Variants in C16orf89 observed in about 807,000 individuals in gnomAD.
C16orf89 encodes the protein UPF0764 protein C16orf89.
In C16orf89, 57 loss-of-function variants were observed where a neutral mutation model predicts 41.5. That is an observed-to-expected ratio of 1.38 (90% CI 1.11 to 1.71). The LOEUF (loss-of-function observed/expected upper bound fraction) is 1.71. C16orf89 is among the 40% of genes most tolerant of loss of function. C16orf89 has a pLI of 0.00. For synonymous variants in C16orf89, 223 were observed against 190.6 expected, an observed-to-expected ratio of 1.17 and a Z score of -1.40; for missense variants, 575 against 445.9, an observed-to-expected ratio of 1.29 and a Z score of -2.61.
At chr16:5,063,592 C>T (rs530522490) in intron 1 of C16orf89, among the ~76,000 whole-genome samples, 2 of 152,158 alleles carry the variant, frequency 1.3e-5, no homozygotes, top group East Asian at 1.9e-4. Context: ...GCCTGAGCTC[C>T]GCCTGCTGTC....
chr16:5,060,822 A>G (rs900716865), intron 2 of C16orf89, among the ~76,000 whole-genome samples: 3 of 152,042 alleles, frequency 2.0e-5, no homozygotes, highest in Non-Finnish European at 4.4e-5. Context: ...CAACATAGCA[A>G]GACTCTGTCT....
intron 6 of C16orf89, 84 bp downstream of exon 6, chr16:5,055,162 T>C: frequency 8.5e-7 from 1 of 1,177,574 alleles, no homozygotes; most frequent in Non-Finnish European, 1.2e-6. Flanking sequence ...CACCAATGCA[T>C]TGTTCCCACA....
chr16:5,061,788 A>T (rs1956632668), intron 2 of C16orf89, among the ~76,000 whole-genome samples: 1 of 151,992 alleles, frequency 6.6e-6, no homozygotes, highest in African/African-American at 2.4e-5. Flanking sequence ...CATGCATCTG[A>T]TGGGAGTGGG....
At chr16:5,057,818 C>T (rs534121248) in intron 4 of C16orf89, among the ~76,000 whole-genome samples, 2 of 152,078 alleles carry the variant, frequency 1.3e-5, no homozygotes, top group South Asian at 4.2e-4. Context: ...TGTGAGCCAC[C>T]GTGCCCGGCC....
At chr16:5,062,386 G>A (rs368712978) in intron 2 of C16orf89, 39 bp downstream of exon 2, 220 of 1,575,470 alleles carry the variant, frequency 1.4e-4, no homozygotes, top group Non-Finnish European at 1.8e-4. Context: ...CCCCATAGGC[G>A]CTATTCCTGA....
At chr16:5,046,956 C>A (rs951014037) in intron 7 of C16orf89, among the ~76,000 whole-genome samples, 1 of 152,142 alleles carries the variant, frequency 6.6e-6, no homozygotes, top group Non-Finnish European at 1.5e-5. Flanking sequence ...GGCTGTGTGG[C>A]CACCAAAACT....
At chr16:5,057,274 A>G (rs1298349791) in intron 4 of C16orf89, among the ~76,000 whole-genome samples, 1 of 134,844 alleles carries the variant, frequency 7.4e-6, no homozygotes, top group Non-Finnish European at 1.6e-5. Flanking sequence ...ATACATATAT[A>G]TATGTATATA....
chr16:5,049,315 A>G (rs1956356941), intron 6 of C16orf89, among the ~76,000 whole-genome samples: 1 of 152,238 alleles, frequency 6.6e-6, no homozygotes. Flanking sequence ...AACTCAACAA[A>G]GAAACACTGA....
At chr16:5,053,929 T>C (rs1179252018) in intron 6 of C16orf89, among the ~76,000 whole-genome samples, 1 of 152,224 alleles carries the variant, frequency 6.6e-6, no homozygotes, top group Non-Finnish European at 1.5e-5. Context: ...GCTCATTACA[T>C]ATTGTATACA....
intron 1 of C16orf89, among the ~76,000 whole-genome samples, chr16:5,064,360 C>T (rs1251489011): frequency 6.6e-6 from 1 of 152,104 alleles, no homozygotes; most frequent in Non-Finnish European, 1.5e-5. Context: ...TGCTGCTAGT[C>T]AAGGATGCTC....
At chr16:5,048,235 A>T (rs1417347119) in intron 6 of C16orf89, among the ~76,000 whole-genome samples, 4 of 152,080 alleles carry the variant, frequency 2.6e-5, no homozygotes, top group Non-Finnish European at 4.4e-5. Context: ...GGGTCTTGCT[A>T]TGTTGCCCAG....
intron 6 of C16orf89, among the ~76,000 whole-genome samples, chr16:5,052,109 A>G (rs1024215856): frequency 1.3e-5 from 2 of 151,520 alleles, no homozygotes; most frequent in African/African-American, 2.4e-5. Context: ...CAAAAAAAAA[A>G]AAAAAAAAAA....
Position 5,062,531 on chromosome 16 carries a change from C to T in C16orf89, c.252G>A (p.Leu84=), listed in dbSNP as rs889851708. 14 of 1,613,748 alleles carry T rather than the reference C, an allele frequency of 8.7e-6. No homozygotes were observed. Among genetic ancestry groups the T allele is most frequent in the South Asian group, 1.1e-5 (1 of 91,058 alleles). Residue 84 remains leucine, a synonymous_variant, in exon 2 of 8, where the codon CTG becomes CTA. Coordinates refer to ENST00000472572, the MANE Select transcript of C16orf89 (RefSeq NM_001098514.3). ...SVREKWAQEP[L]LQPLSLRVGM... ...CCACGCGCAGGCTCAGCGGCTGCAG[C>T]AGGGGCTCCTGGGCCCACTTCTCCC...
intron 6 of C16orf89, among the ~76,000 whole-genome samples, chr16:5,053,693 G>A (rs1956438414): frequency 6.6e-6 from 1 of 152,040 alleles, no homozygotes; most frequent in African/African-American, 2.4e-5. Flanking sequence ...ATAGGTGTGC[G>A]CCACCACACC....
At position 5,055,365 on chromosome 16, in the gene C16orf89, G is replaced by C. The variant is rs372898501; in HGVS notation, c.764-15C>G. ...ACAGAACATGACTGGAAGTAAAGAC[G>C]GGGGCCCTCTGCAGGCCTGCCCCCC... On this transcript the variant is annotated splice_polypyrimidine_tract_variant and intron_variant, in intron 5 of 7. Transcript: ENST00000472572. 6 of 1,583,504 alleles carry C rather than the reference G, an allele frequency of 3.8e-6. No homozygotes were observed. The African/African-American group carries it at 5.4e-5, about 14-fold the overall frequency.
At chr16:5,051,058 T>C (rs1956386398) in intron 6 of C16orf89, among the ~76,000 whole-genome samples, 1 of 152,148 alleles carries the variant, frequency 6.6e-6, no homozygotes, top group South Asian at 2.1e-4. Context: ...TGCCTCAATA[T>C]AATAAAGGTC....
chr16:5,049,454 CA>C (rs1454208050), intron 6 of C16orf89, among the ~76,000 whole-genome samples: 1 of 152,040 alleles, frequency 6.6e-6, no homozygotes, highest in Non-Finnish European at 1.5e-5. Flanking sequence ...TATGTTAGGC[CA>C]AAAAACAAGT....
chr16:5,059,235 A>G (rs1481323132), intron 3 of C16orf89, among the ~76,000 whole-genome samples: 1 of 150,924 alleles, frequency 6.6e-6, no homozygotes, highest in Non-Finnish European at 1.5e-5. Context: ...TGGGAGACAG[A>G]GCGAGACTCC....
At chr16:5,045,188 C>T (rs371675661) in intron 7 of C16orf89, among the ~76,000 whole-genome samples, 9 of 152,346 alleles carry the variant, frequency 5.9e-5, no homozygotes, top group African/African-American at 1.2e-4. Context: ...ACCCACGCAC[C>T]GGAGTCCTGT....
Sources: gnomAD v4.1 joint callset for allele counts (sites outside exome capture counted in the v4.1 genomes callset) on GRCh38, gnomAD v4.1.1 for gene constraint, MANE v1.5 for transcripts, NCBI Gene and HGNC (gene_info 2026-07-23, HGNC 2026-07-21) for gene names.